Variants in DRC11 observed in about 807,000 individuals in gnomAD.
DRC11 encodes IQ and AAA domain-containing protein 1.
At chr2:236,357,081 CTATA>C in the DRC11 span, among the ~76,000 whole-genome samples, 1 of 98,328 alleles carries the variant, frequency 1.0e-5, no homozygotes, top group Non-Finnish European at 1.8e-5. Flanking sequence ...TATTATATAT[CTATA>C]TATTTTATAT....
chr2:236,388,574 T>C, the DRC11 span, among the ~76,000 whole-genome samples: 126 of 148,790 alleles, frequency 8.5e-4, no homozygotes, highest in African/African-American at 2.8e-3. Context: ...TAAATTTTTT[T>C]CAAAGTTTTC....
At chr2:236,406,010 A>G in the DRC11 span, among the ~76,000 whole-genome samples, 2 of 152,210 alleles carry the variant, frequency 1.3e-5, no homozygotes, top group Non-Finnish European at 2.9e-5. This position sits in a 1 kb window ranked among gnomAD's most constrained non-coding sequence, Gnocchi z 4.7. Flanking sequence ...GGACTAGTGC[A>G]TATTTAAAAA....
chr2:236,422,977 C>T, the DRC11 span, among the ~76,000 whole-genome samples: 18 of 151,820 alleles, frequency 1.2e-4, no homozygotes, highest in Admixed American at 1.0e-3. Context: ...ATAAATGGTG[C>T]TGGGAAAACT....
chr2:236,341,961 G>A, the DRC11 span, among the ~76,000 whole-genome samples: 2 of 152,154 alleles, frequency 1.3e-5, no homozygotes, highest in South Asian at 2.1e-4. Flanking sequence ...CCGCCACCGG[G>A]GTCCTCCTTT....
the DRC11 span, chr2:236,344,765 T>A: frequency 2.9e-6 from 2 of 690,334 alleles, no homozygotes; most frequent in African/African-American, 3.7e-5. Flanking sequence ...TGTGCTTCCC[T>A]CTGGGGTGTG....
the DRC11 span, among the ~76,000 whole-genome samples, chr2:236,432,283 T>C: frequency 6.6e-6 from 1 of 152,184 alleles, no homozygotes; most frequent in Non-Finnish European, 1.5e-5. Flanking sequence ...TTTGTCTTCT[T>C]ATTGAGGTGT....
the DRC11 span, among the ~76,000 whole-genome samples, chr2:236,337,157 A>C: frequency 0.2 from 30,224 of 151,878 alleles, 3,112 homozygotes; most frequent in African/African-American, 0.26. This position sits in a 1 kb window ranked among gnomAD's most constrained non-coding sequence, Gnocchi z 4.9. Context: ...GACGAAGGAG[A>C]CTCAACTTTC....
the DRC11 span, among the ~76,000 whole-genome samples, chr2:236,409,754 A>G: frequency 6.6e-6 from 1 of 151,846 alleles, no homozygotes; most frequent in African/African-American, 2.4e-5. Flanking sequence ...TTTGTCATAG[A>G]TAGCCCTTAT....
the DRC11 span, among the ~76,000 whole-genome samples, chr2:236,349,776 C>T: frequency 5.3e-5 from 8 of 152,214 alleles, no homozygotes; most frequent in Non-Finnish European, 7.4e-5. The surrounding 1 kb of genome is among the most constrained non-coding windows in gnomAD (Gnocchi z 5.5). Flanking sequence ...TACTGGGTAC[C>T]GGGCTTAATG....
the DRC11 span, among the ~76,000 whole-genome samples, chr2:236,445,559 C>T: frequency 6.6e-6 from 1 of 151,680 alleles, no homozygotes; most frequent in Admixed American, 6.6e-5. The surrounding 1 kb of genome is among the most constrained non-coding windows in gnomAD (Gnocchi z 4.8). Context: ...AGGCTGGTCT[C>T]AAACTCCCGA....
At chr2:236,329,554 C>T in the DRC11 span, among the ~76,000 whole-genome samples, 3 of 152,080 alleles carry the variant, frequency 2.0e-5, no homozygotes, top group East Asian at 1.9e-4. Flanking sequence ...ATAACGTTGT[C>T]GGAAGCACAA....
At chr2:236,333,897 C>A in the DRC11 span, among the ~76,000 whole-genome samples, 5 of 152,126 alleles carry the variant, frequency 3.3e-5, no homozygotes, top group South Asian at 1.0e-3. The surrounding 1 kb of genome is among the most constrained non-coding windows in gnomAD (Gnocchi z 6.0). Flanking sequence ...GACAATTAGG[C>A]ATCAAGGCTT....
chr2:236,370,423 C>T, the DRC11 span, among the ~76,000 whole-genome samples: 9 of 152,238 alleles, frequency 5.9e-5, no homozygotes, highest in African/African-American at 1.2e-4. The surrounding 1 kb of genome is among the most constrained non-coding windows in gnomAD (Gnocchi z 5.5). Flanking sequence ...CTCAGAAAGA[C>T]GAGAGGAAGG....
At chr2:236,319,222 T>C in the DRC11 span, among the ~76,000 whole-genome samples, 2 of 152,330 alleles carry the variant, frequency 1.3e-5, no homozygotes, top group Middle Eastern at 3.4e-3. The surrounding 1 kb of genome is among the most constrained non-coding windows in gnomAD (Gnocchi z 6.7). Flanking sequence ...TCAGCAGTAA[T>C]TGAACAGCAG....
the DRC11 span, among the ~76,000 whole-genome samples, chr2:236,451,601 C>A: frequency 2.0e-5 from 3 of 152,014 alleles, no homozygotes; most frequent in African/African-American, 4.8e-5. Context: ...TTATCAAATG[C>A]CTTTTATGTA....
the DRC11 span, among the ~76,000 whole-genome samples, chr2:236,442,350 A>G: frequency 6.1e-3 from 930 of 152,286 alleles, 10 homozygotes; most frequent in African/African-American, 0.021. Flanking sequence ...GTCTGTGGAA[A>G]TCTTTTGTTT....
At chr2:236,381,177 A>ACTTC in the DRC11 span, among the ~76,000 whole-genome samples, 4 of 152,210 alleles carry the variant, frequency 2.6e-5, no homozygotes, top group South Asian at 2.1e-4. This position sits in a 1 kb window ranked among gnomAD's most constrained non-coding sequence, Gnocchi z 5.8. Flanking sequence ...GCTAGGAGGA[A>ACTTC]CCATCTTTGA....
the DRC11 span, among the ~76,000 whole-genome samples, chr2:236,347,844 A>C: frequency 6.7e-6 from 1 of 148,768 alleles, no homozygotes; most frequent in Non-Finnish European, 1.5e-5. Context: ...TGTACCCCCA[A>C]TAACTTACGG....
chr2:236,363,761 C>T, the DRC11 span: 11 of 1,571,688 alleles, frequency 7.0e-6, no homozygotes, highest in East Asian at 1.6e-4. This position sits in a 1 kb window ranked among gnomAD's most constrained non-coding sequence, Gnocchi z 5.6. Flanking sequence ...AGTTGGAAAC[C>T]AAGAAATGTA....
Sources: gnomAD v4.1 joint callset for allele counts (sites outside exome capture counted in the v4.1 genomes callset) on GRCh38, gnomAD v4.1.1 for gene constraint, Gnocchi (gnomAD v3.1) non-coding constraint, MANE v1.5 for transcripts, NCBI Gene and HGNC (gene_info 2026-07-23, HGNC 2026-07-21) for gene names.